SEC63: variants seen among roughly 807,000 people sequenced by gnomAD.
SEC63 encodes the protein SEC63 protein translocation regulator.
In SEC63, 56 loss-of-function variants were observed where a neutral mutation model predicts 116.2. That is an observed-to-expected ratio of 0.48 (90% CI 0.39 to 0.60). The LOEUF (loss-of-function observed/expected upper bound fraction) is 0.60, where lower values mean the gene tolerates loss of function less well. Among genes scored for constraint, SEC63 ranks in the 20% least tolerant of loss-of-function variants. The pLI, the probability that SEC63 is intolerant of heterozygous loss-of-function variation, is 0.00. For missense variants in SEC63, 668 were observed against 900.0 expected, an observed-to-expected ratio of 0.74 and a Z score of 3.30; for synonymous variants, 273 against 294.6, an observed-to-expected ratio of 0.93 and a Z score of 0.75.
rs886060955 is a variant in SEC63, at chr6:107,906,670, A to G, written c.828+13T>C. The G allele has an allele frequency of 1.1e-5, 18 of 1,611,278 alleles. No homozygotes were observed. The highest frequency in any genetic ancestry group is 1.5e-5 in the Non-Finnish European group (18 of 1,177,550). On this transcript the variant is annotated intron_variant, in intron 9 of 20. Transcript: ENST00000369002. ...TTAACTGCTCATCGGGGGATTTGGG[A>G]AATTAGCCTAACCTGTGGTATTAGA...
rs1770752512 is a variant in SEC63 at position 107,958,121 on chromosome 6, G to C, written c.-112C>G. The stretch of plus-strand genomic sequence containing the variant: ...GCGTAGCTTGGACACTGCCGCCGCC[G>C]CCTCTCCTCCCCGCCCCCACGCCAC... On this transcript the variant is annotated 5_prime_UTR_variant, in exon 1 of 21. Coordinates refer to ENST00000369002, the MANE Select transcript of SEC63 (RefSeq NM_007214.5). 1 of 1,506,762 alleles carries C rather than the reference G, an allele frequency of 6.6e-7. No homozygotes were observed. Among genetic ancestry groups the C allele is most frequent in the African/African-American group, 1.4e-5 (1 of 72,292 alleles). The allele number at this position is 1,506,762 out of a possible 1,614,324, so 93.3% of individuals were successfully genotyped here.
At chr6:107,915,585 A>G (rs1201687201) in intron 4 of SEC63, among the ~76,000 whole-genome samples, 2 of 152,156 alleles carry the variant, frequency 1.3e-5, no homozygotes, top group Non-Finnish European at 2.9e-5. Context: ...TAGATAATGA[A>G]CCAGAGAATT....
intron 18 of SEC63, 147 bp downstream of exon 18, chr6:107,881,002 T>C: frequency 1.5e-6 from 1 of 661,336 alleles, no homozygotes; most frequent in South Asian, 1.6e-5. Context: ...TATTGTAATA[T>C]TCCCTTTTAA....
chr6:107,913,488 T>C (rs946674114), intron 4 of SEC63, 61 bp from the exon 5 acceptor site: 5 of 1,189,716 alleles, frequency 4.2e-6, no homozygotes, highest in Non-Finnish European at 6.3e-6. Flanking sequence ...CAAGTACTCA[T>C]ATAGACAAAC....
intron 1 of SEC63, among the ~76,000 whole-genome samples, chr6:107,938,396 AG>A (rs1271738192): frequency 6.6e-6 from 1 of 151,698 alleles, no homozygotes; most frequent in Non-Finnish European, 1.5e-5. Context: ...GACTACAGGA[AG>A]ATGCCACTAT....
intron 4 of SEC63, among the ~76,000 whole-genome samples, chr6:107,915,418 G>C (rs1316397906): frequency 6.6e-6 from 1 of 152,042 alleles, no homozygotes; most frequent in Non-Finnish European, 1.5e-5. Flanking sequence ...CCATGAGTTG[G>C]CTATGCACAG....
intron 14 of SEC63, among the ~76,000 whole-genome samples, chr6:107,894,367 T>C (rs1786764922): frequency 6.6e-6 from 1 of 152,194 alleles, no homozygotes; most frequent in Admixed American, 6.6e-5. Flanking sequence ...ACCTGAGACC[T>C]GAGACTAAGA....
At chr6:107,937,296 T>A (rs1333613995) in intron 1 of SEC63, among the ~76,000 whole-genome samples, 1 of 152,096 alleles carries the variant, frequency 6.6e-6, no homozygotes, top group Non-Finnish European at 1.5e-5. Context: ...CTAGCTAATT[T>A]TGAATTTTTA....
At chr6:107,909,876 C>T (rs976849841) in intron 7 of SEC63, among the ~76,000 whole-genome samples, 4 of 152,098 alleles carry the variant, frequency 2.6e-5, no homozygotes, top group Non-Finnish European at 5.9e-5. Flanking sequence ...GGACACAAGT[C>T]ACAAAAGTAA....
rs575555096 is a variant in SEC63 at position 107,919,079 on chromosome 6, T to C, written c.452+2718A>G. On this transcript the variant is annotated intron_variant, in intron 4 of 20. Transcript: ENST00000369002. The stretch of plus-strand genomic sequence containing the variant: ...GCATGCCCCACCACACCCGGCTAAG[T>C]TTGAATTTTTAGTAGAGATAGAGTT... Among the ~76,000 whole-genome samples, 10 of 151,868 alleles carry C rather than the reference T, an allele frequency of 6.6e-5. No homozygotes were observed. In the South Asian group the frequency reaches 1.9e-3, roughly 29 times the overall value.
At chr6:107,939,292 A>C (rs1200793670) in intron 1 of SEC63, among the ~76,000 whole-genome samples, 1 of 152,208 alleles carries the variant, frequency 6.6e-6, no homozygotes, top group East Asian at 1.9e-4. Context: ...AAAGAAAAAA[A>C]AACAACTAAA....
At chr6:107,943,351 C>T (rs1562339758) in intron 1 of SEC63, among the ~76,000 whole-genome samples, 1 of 152,140 alleles carries the variant, frequency 6.6e-6, no homozygotes, top group Non-Finnish European at 1.5e-5. Context: ...ATATGTGTTT[C>T]TTTTATGGTA....
In SEC63 at chr6:107,956,771, T is replaced by C. The variant is rs75501359; in HGVS notation, c.124+1115A>G. On this transcript the variant is annotated intron_variant, in intron 1 of 20. Coordinates refer to ENST00000369002, the MANE Select transcript of SEC63 (RefSeq NM_007214.5). ...AATGTTACAGGACACTGAATCCATC[T>C]GAAAGTATAACAAGTTCTGAGCTGA... Among the ~76,000 whole-genome samples the C allele has an allele frequency of 3.5e-3, 528 of 152,316 alleles. 5 individuals carry two copies. Among genetic ancestry groups the C allele is most frequent in the African/African-American group, 0.012 (510 of 41,562 alleles).
intron 13 of SEC63, among the ~76,000 whole-genome samples, chr6:107,900,764 GACC>G (rs1207803116): frequency 6.6e-6 from 1 of 152,150 alleles, no homozygotes; most frequent in African/African-American, 2.4e-5. Flanking sequence ...TTAAAGCTCA[GACC>G]ACCACCACAA....
intron 13 of SEC63, 29 bp downstream of exon 13, chr6:107,901,341 A>G (rs1238944420): frequency 6.2e-7 from 1 of 1,605,796 alleles, no homozygotes; most frequent in Admixed American, 1.7e-5. Flanking sequence ...AAAGGGAAGC[A>G]ATGCTCAACA....
intron 1 of SEC63, among the ~76,000 whole-genome samples, chr6:107,955,392 A>C (rs946283811): frequency 3.3e-5 from 5 of 152,042 alleles, no homozygotes; most frequent in Non-Finnish European, 5.9e-5. Flanking sequence ...TGAACTCCTG[A>C]CTTTAGGTGA....
chr6:107,890,011 A>C (rs1320126755), intron 16 of SEC63, among the ~76,000 whole-genome samples: 2 of 152,132 alleles, frequency 1.3e-5, no homozygotes, highest in East Asian at 3.8e-4. Context: ...TTATGCTGTC[A>C]ATTTTGGAAT....
At chr6:107,910,698 CATATATACATACACACAT>C (rs1303565054) in intron 7 of SEC63, among the ~76,000 whole-genome samples, 9 of 151,940 alleles carry the variant, frequency 5.9e-5, no homozygotes, top group African/African-American at 2.2e-4. Context: ...ATATGTCATA[CATATATACATACACACAT>C]ATGTATACAT....
At chr6:107,924,349 T>G (rs1251893914) in intron 3 of SEC63, among the ~76,000 whole-genome samples, 1 of 149,170 alleles carries the variant, frequency 6.7e-6, no homozygotes, top group Non-Finnish European at 1.5e-5. Flanking sequence ...GAGGCCGAGG[T>G]GGGCAGATCA....
Sources: gnomAD v4.1 joint callset for allele counts (sites outside exome capture counted in the v4.1 genomes callset) on GRCh38, gnomAD v4.1.1 for gene constraint, MANE v1.5 for transcripts, NCBI Gene and HGNC (gene_info 2026-07-23, HGNC 2026-07-21) for gene names.